The following MYO3A variants were observed in gnomAD, a reference collection of about 807,000 sequenced individuals.
MYO3A encodes the protein myosin-IIIa.
In MYO3A, 180 loss-of-function variants were observed where a neutral mutation model predicts 192.7. That is an observed-to-expected ratio of 0.93 (90% CI 0.83 to 1.06). The LOEUF (loss-of-function observed/expected upper bound fraction) is 1.06, where lower values mean the gene tolerates loss of function less well. MYO3A is among the 50% of genes least tolerant of loss of function. The pLI is 0.00. For synonymous variants in MYO3A, 628 were observed against 645.3 expected (o/e 0.97, Z 0.41); for missense variants, 1,896 against 1,905.0 (o/e 1.00, Z 0.09).
At chr10:26,017,148 G>T (rs977223614) in intron 7 of MYO3A, among the ~76,000 whole-genome samples, 3 of 152,074 alleles carry the variant, frequency 2.0e-5, no homozygotes, top group Non-Finnish European at 4.4e-5. Flanking sequence ...CTACTTCCAG[G>T]TTTGATTTTT....
intron 31 of MYO3A, among the ~76,000 whole-genome samples, chr10:26,186,534 G>C (rs183948055): frequency 6.6e-6 from 1 of 152,200 alleles, no homozygotes; most frequent in African/African-American, 2.4e-5. Flanking sequence ...CCAAAGTGCT[G>C]GGATTACAGG....
Position 26,068,821 on chromosome 10 carries a change from C to A in MYO3A, c.1107C>A (p.Val369=). Reference sequence around the variant, plus strand: ...GTTATTCCAGAGATCAGATCTACGTCTATGTGGGAGACATACTCATTGCTC... The same window carrying A: ...GTTATTCCAGAGATCAGATCTACGTATATGTGGGAGACATACTCATTGCTC... ...EKCYSRDQIY[V]YVGDILIALN... Residue 369 remains valine (V), a synonymous_variant, in exon 12 of 35, where the codon GTC becomes GTA. Transcript: ENST00000642920. 6.2e-7 allele frequency: 1 copy of A among 1,600,198 alleles called. No homozygotes were observed. Among genetic ancestry groups the A allele is most frequent in the Non-Finnish European group, 8.6e-7 (1 of 1,167,520 alleles).
At chr10:26,006,194 A>G (rs1841193288) in intron 6 of MYO3A, among the ~76,000 whole-genome samples, 1 of 152,198 alleles carries the variant, frequency 6.6e-6, no homozygotes, top group Non-Finnish European at 1.5e-5. Context: ...GAGAACAAAG[A>G]CACAACATAC....
chr10:26,017,055 T>C, intron 7 of MYO3A, 159 bp downstream of exon 7: 1 of 751,068 alleles, frequency 1.3e-6, no homozygotes, highest in South Asian at 1.5e-5. Context: ...AGGAGGCACC[T>C]GGGAGGTGGT....
intron 30 of MYO3A, 127 bp from the exon 31 acceptor site, chr10:26,176,574 G>A (rs943373062): frequency 1.2e-6 from 1 of 802,834 alleles, no homozygotes; most frequent in African/African-American, 1.7e-5. Context: ...CAAGGGACAG[G>A]GTGGGCCCTG....
intron 20 of MYO3A, among the ~76,000 whole-genome samples, chr10:26,136,155 G>T (rs750552507): frequency 2.0e-5 from 3 of 152,086 alleles, no homozygotes; most frequent in Non-Finnish European, 2.9e-5. Flanking sequence ...AATTGCCAGT[G>T]CCATCTCATG....
At chr10:25,970,222 A>T (rs1838539463) in intron 4 of MYO3A, among the ~76,000 whole-genome samples, 1 of 152,040 alleles carries the variant, frequency 6.6e-6, no homozygotes, top group East Asian at 1.9e-4. Context: ...ACAAGTTTAA[A>T]AGAGTCAAAA....
chr10:25,990,357 A>G (rs910395781), intron 4 of MYO3A, among the ~76,000 whole-genome samples: 11 of 152,124 alleles, frequency 7.2e-5, no homozygotes, highest in African/African-American at 2.7e-4. Context: ...AAAATGGTAT[A>G]TAACTGTTTT....
At chr10:25,975,248 A>G (rs182029363) in intron 4 of MYO3A, among the ~76,000 whole-genome samples, 4 of 152,236 alleles carry the variant, frequency 2.6e-5, no homozygotes, top group Non-Finnish European at 4.4e-5. Context: ...CCCTCAGTGC[A>G]TGCAGCCTCA....
intron 2 of MYO3A, among the ~76,000 whole-genome samples, chr10:25,939,966 G>T (rs1836372972): frequency 6.6e-6 from 1 of 151,932 alleles, no homozygotes. Context: ...TGGCCATCAT[G>T]CCTCTAATAA....
chr10:26,013,688 C>T (rs555555363), intron 6 of MYO3A, among the ~76,000 whole-genome samples: 25 of 152,030 alleles, frequency 1.6e-4, no homozygotes, highest in Non-Finnish European at 2.9e-4. Context: ...TTAGTACAAC[C>T]TCTATGGAAA....
chr10:26,149,610 C>G (rs1364641408), intron 23 of MYO3A, among the ~76,000 whole-genome samples: 1 of 110,056 alleles, frequency 9.1e-6, no homozygotes, highest in African/African-American at 3.1e-5. Flanking sequence ...AATAGATTAC[C>G]CTTTTTTTTT....
At chr10:26,011,949 A>T (rs1279230279) in intron 6 of MYO3A, among the ~76,000 whole-genome samples, 1 of 152,192 alleles carries the variant, frequency 6.6e-6, no homozygotes, top group Non-Finnish European at 1.5e-5. Context: ...TTTAACATAT[A>T]CAAGTCAATA....
At chr10:25,975,843 C>T (rs1050416245) in intron 4 of MYO3A, among the ~76,000 whole-genome samples, 4 of 152,104 alleles carry the variant, frequency 2.6e-5, no homozygotes, top group African/African-American at 9.7e-5. Context: ...GGAAAAAAAT[C>T]ATGAAAGACA....
chr10:26,066,647 A>G (rs12570534), intron 10 of MYO3A, among the ~76,000 whole-genome samples: 72,185 of 152,026 alleles, frequency 0.47, 17,941 homozygotes, highest in Middle Eastern at 0.59. Flanking sequence ...AATGTAATGA[A>G]TTCAAACCCT....
chr10:26,006,092 CGATCTTTTAGTT>C, intron 6 of MYO3A, among the ~76,000 whole-genome samples: 1 of 151,984 alleles, frequency 6.6e-6, no homozygotes, highest in East Asian at 1.9e-4. Context: ...TTTCAGTCAA[CGATCTTTTAGTT>C]GTAAGGACTA....
chr10:26,099,589 A>G (rs979287450), intron 17 of MYO3A, among the ~76,000 whole-genome samples: 4 of 152,214 alleles, frequency 2.6e-5, no homozygotes, highest in African/African-American at 7.2e-5. Flanking sequence ...TGAACCATCA[A>G]TACCTAGTTT....
intron 10 of MYO3A, among the ~76,000 whole-genome samples, chr10:26,058,292 T>A (rs1241105466): frequency 6.6e-6 from 1 of 152,250 alleles, no homozygotes; most frequent in Non-Finnish European, 1.5e-5. Flanking sequence ...TTGTATTTCT[T>A]CCATGTTTTT....
intron 4 of MYO3A, 70 bp from the exon 5 acceptor site, chr10:25,996,420 A>G (rs1391799757): frequency 7.6e-6 from 10 of 1,318,440 alleles, no homozygotes; most frequent in South Asian, 6.0e-5. Context: ...AATGTCTTGG[A>G]AGAACTTTTC....
Sources: allele counts gnomAD v4.1 joint callset (sites outside exome capture counted in the v4.1 genomes callset), GRCh38; gene constraint gnomAD v4.1.1; transcripts MANE v1.5; gene names NCBI Gene and HGNC (gene_info 2026-07-23, HGNC 2026-07-21).